The following BLTP1 variants were observed in gnomAD, a reference collection of about 807,000 sequenced individuals.
The protein encoded by BLTP1 is fragile site-associated protein.
At chr4:122,289,990 A>C in the BLTP1 span, 1,050 of 165,904 alleles carry the variant, frequency 6.3e-3, 12 homozygotes, top group African/African-American at 0.024. Flanking sequence ...AATGAAGCCT[A>C]GTTTGGCAAG....
the BLTP1 span, chr4:122,249,588 G>A: frequency 2.5e-6 from 4 of 1,613,764 alleles, no homozygotes; most frequent in Non-Finnish European, 2.5e-6. Flanking sequence ...AAACTGATCA[G>A]CAAGCTGTTC....
the BLTP1 span, chr4:122,286,824 A>G: frequency 1.9e-6 from 3 of 1,551,710 alleles, no homozygotes; most frequent in Non-Finnish European, 2.6e-6. Flanking sequence ...TTCGTAATTT[A>G]GGAGTCTTCA....
chr4:122,259,325 G>C, the BLTP1 span, among the ~76,000 whole-genome samples: 1 of 152,168 alleles, frequency 6.6e-6, no homozygotes, highest in Non-Finnish European at 1.5e-5. Flanking sequence ...CCACTTAGTT[G>C]CTCTCTGACT....
chr4:122,281,166 G>A, the BLTP1 span: 1 of 273,818 alleles, frequency 3.7e-6, no homozygotes, highest in Non-Finnish European at 5.6e-6. Context: ...TGGGGTTGGT[G>A]TTGTCATTCT....
chr4:122,343,415 T>C, the BLTP1 span: 1 of 1,613,896 alleles, frequency 6.2e-7, no homozygotes. Context: ...TGTAGGTTCA[T>C]CGGGATTAGG....
At chr4:122,359,077 T>TAA in the BLTP1 span, among the ~76,000 whole-genome samples, 4,184 of 140,666 alleles carry the variant, frequency 0.03, 131 homozygotes, top group African/African-American at 0.084. Context: ...TCAAAGCTGT[T>TAA]AAAAAAAAAA....
At chr4:122,349,367 A>C in the BLTP1 span, 2 of 1,526,032 alleles carry the variant, frequency 1.3e-6, no homozygotes, top group Non-Finnish European at 1.8e-6. This position sits in a 1 kb window ranked among gnomAD's most constrained non-coding sequence, Gnocchi z 4.5. Context: ...TATATATATC[A>C]AAAAAAATGC....
At chr4:122,202,633 A>T in the BLTP1 span, 1 of 516,584 alleles carries the variant, frequency 1.9e-6, no homozygotes, top group Non-Finnish European at 2.5e-6. Context: ...TCAAGTATTT[A>T]CTCCTTCACA....
chr4:122,276,415 C>T, the BLTP1 span: 5 of 966,480 alleles, frequency 5.2e-6, no homozygotes, highest in Non-Finnish European at 6.2e-6. Context: ...ACTAACAAAA[C>T]ATCTGTACAT....
the BLTP1 span, chr4:122,287,664 C>T: frequency 1.0e-6 from 1 of 984,998 alleles, no homozygotes; most frequent in Non-Finnish European, 1.2e-6. Flanking sequence ...TTTGGGTTCT[C>T]TGATAGAAAT....
At chr4:122,294,086 A>G in the BLTP1 span, among the ~76,000 whole-genome samples, 1 of 152,070 alleles carries the variant, frequency 6.6e-6, no homozygotes, top group African/African-American at 2.4e-5. Context: ...CTCCAACCAG[A>G]GTTATACATA....
the BLTP1 span, chr4:122,229,082 A>T: frequency 6.6e-7 from 1 of 1,513,456 alleles, no homozygotes; most frequent in Non-Finnish European, 8.9e-7. Flanking sequence ...TAATAAGTTG[A>T]TGGTGATGAT....
chr4:122,361,370 C>T, the BLTP1 span, among the ~76,000 whole-genome samples: 1 of 152,126 alleles, frequency 6.6e-6, no homozygotes, highest in South Asian at 2.1e-4. Context: ...CAATCAGCAG[C>T]TCTATGTATG....
At chr4:122,317,663 C>CTA in the BLTP1 span, among the ~76,000 whole-genome samples, 1 of 151,342 alleles carries the variant, frequency 6.6e-6, no homozygotes, top group African/African-American at 2.4e-5. Flanking sequence ...CAATCAAGGA[C>CTA]CTTACACAAC....
At chr4:122,261,540 A>T in the BLTP1 span, 11 of 983,378 alleles carry the variant, frequency 1.1e-5, no homozygotes, top group Non-Finnish European at 1.3e-5. Context: ...GTAATTTTTA[A>T]TTTTTTTTCA....
chr4:122,203,234 A>T, the BLTP1 span, among the ~76,000 whole-genome samples: 5 of 151,906 alleles, frequency 3.3e-5, no homozygotes, highest in Non-Finnish European at 5.9e-5. Context: ...TTTATTAATA[A>T]GATAAAATTG....
chr4:122,206,704 C>T, the BLTP1 span, among the ~76,000 whole-genome samples: 23 of 151,410 alleles, frequency 1.5e-4, no homozygotes, highest in South Asian at 2.1e-3. Flanking sequence ...TGAAATAACA[C>T]GGAAAAATAT....
chr4:122,247,054 AG>A, the BLTP1 span: 1 of 1,380,964 alleles, frequency 7.2e-7, no homozygotes, highest in Non-Finnish European at 9.8e-7. Context: ...GGTGTATAAT[AG>A]TAGAGTGTTT....
the BLTP1 span, chr4:122,345,079 CT>C: frequency 1.1e-6 from 1 of 934,046 alleles, no homozygotes; most frequent in Non-Finnish European, 1.3e-6. Context: ...TGAGTAAAAA[CT>C]TTCATAATTA....
Sources: allele counts gnomAD v4.1 joint callset (sites outside exome capture counted in the v4.1 genomes callset), GRCh38; gene constraint gnomAD v4.1.1; non-coding constraint Gnocchi (gnomAD v3.1); transcripts MANE v1.5; gene names NCBI Gene and HGNC (gene_info 2026-07-23, HGNC 2026-07-21).